Variants in ZNF521 observed in about 807,000 individuals in gnomAD.
ZNF521 encodes the protein zinc finger protein 521, also known as LYST-interacting protein 3.
In ZNF521, 14 loss-of-function variants were observed where a neutral mutation model predicts 105.5. The observed-to-expected ratio is 0.13, with a 90% CI of 0.09 to 0.21. ZNF521 has a LOEUF of 0.21. Among genes scored for constraint, ZNF521 ranks in the 10% least tolerant of loss-of-function variants. The probability of loss-of-function intolerance (pLI) is 1.00; values close to 1 mark genes in which losing one functional copy is unlikely to be tolerated. For missense variants in ZNF521, 1,233 were observed against 1,629.7 expected (o/e 0.76, Z 4.19); for synonymous variants, 635 against 606.0 (o/e 1.05, Z -0.70).
chr18:25,136,153 T>C (rs188123971), intron 5 of ZNF521, among the ~76,000 whole-genome samples: 3 of 152,216 alleles, frequency 2.0e-5, no homozygotes, highest in Non-Finnish European at 4.4e-5. Flanking sequence ...TTTCTTCTTC[T>C]GGATATACAG....
At chr18:25,337,680 C>G (rs748845346) in intron 2 of ZNF521, among the ~76,000 whole-genome samples, 5 of 152,190 alleles carry the variant, frequency 3.3e-5, no homozygotes, top group African/African-American at 1.2e-4. Context: ...ATTGGTCTTA[C>G]TTCTTTGGAG....
At chr18:25,322,229 G>A (rs550512601) in intron 2 of ZNF521, 42 bp from the exon 3 acceptor site, 1 of 1,591,244 alleles carries the variant, frequency 6.3e-7, no homozygotes, top group Non-Finnish European at 8.6e-7. Flanking sequence ...TTAAAGACAG[G>A]TTCTTTTAAA....
chr18:25,114,374 T>C (rs1047084997), intron 5 of ZNF521, among the ~76,000 whole-genome samples: 5 of 152,190 alleles, frequency 3.3e-5, no homozygotes, highest in Non-Finnish European at 7.3e-5. Context: ...ATGCAATTCT[T>C]TAGAGGTCAA....
intron 4 of ZNF521, among the ~76,000 whole-genome samples, chr18:25,212,978 C>T (rs773108733): frequency 4.0e-5 from 6 of 151,378 alleles, no homozygotes; most frequent in Non-Finnish European, 5.9e-5. Flanking sequence ...AAATATATTA[C>T]CTGTATATGA....
intron 5 of ZNF521, among the ~76,000 whole-genome samples, chr18:25,135,953 G>A (rs1426776930): frequency 6.6e-6 from 1 of 151,984 alleles, no homozygotes; most frequent in Admixed American, 6.6e-5. Flanking sequence ...TGTTAAAAAC[G>A]TGAAGGCTTT....
At chr18:25,187,785 A>G (rs543023660) in intron 5 of ZNF521, among the ~76,000 whole-genome samples, 7 of 152,320 alleles carry the variant, frequency 4.6e-5, no homozygotes, top group Admixed American at 6.5e-5. Context: ...CACAGAAGAC[A>G]GCGAAGTAAT....
At chr18:25,075,642 T>G (rs929465728) in intron 7 of ZNF521, among the ~76,000 whole-genome samples, 1 of 152,218 alleles carries the variant, frequency 6.6e-6, no homozygotes, top group Non-Finnish European at 1.5e-5. Flanking sequence ...CCCATTTACT[T>G]GGGTATATAT....
chr18:25,287,744 G>T (rs1910788022), intron 3 of ZNF521, among the ~76,000 whole-genome samples: 1 of 152,024 alleles, frequency 6.6e-6, no homozygotes, highest in South Asian at 2.1e-4. Flanking sequence ...CAAATCTGCA[G>T]GAAATTTAAA....
At chr18:25,187,531 C>G (rs892543354) in intron 5 of ZNF521, among the ~76,000 whole-genome samples, 1 of 151,970 alleles carries the variant, frequency 6.6e-6, no homozygotes, top group East Asian at 1.9e-4. Context: ...GCCCTTTTAT[C>G]AACAATTTTG....
intron 5 of ZNF521, among the ~76,000 whole-genome samples, chr18:25,185,819 A>T (rs1157495644): frequency 6.6e-6 from 1 of 152,320 alleles, no homozygotes; most frequent in South Asian, 2.1e-4. Context: ...GTAGCAGGAA[A>T]AAGTTTTTCC....
chr18:25,295,588 T>C (rs540151390), intron 3 of ZNF521, among the ~76,000 whole-genome samples: 148 of 150,622 alleles, frequency 9.8e-4, no homozygotes, highest in African/African-American at 3.5e-3. Flanking sequence ...CCCATAAATA[T>C]ATACACCTAC....
At chr18:25,200,545 A>G (rs2035975004) in intron 4 of ZNF521, among the ~76,000 whole-genome samples, 1 of 152,122 alleles carries the variant, frequency 6.6e-6, no homozygotes. Context: ...TATTAAGTCT[A>G]TCTAAGACAC....
At chr18:25,195,749 C>A (rs911605103) in intron 4 of ZNF521, among the ~76,000 whole-genome samples, 10 of 151,660 alleles carry the variant, frequency 6.6e-5, no homozygotes, top group Non-Finnish European at 1.3e-4. Flanking sequence ...CTAAAGTCTA[C>A]AATTTAAATG....
chr18:25,193,079 C>G (rs1362923665), intron 5 of ZNF521, among the ~76,000 whole-genome samples: 2 of 151,920 alleles, frequency 1.3e-5, no homozygotes, highest in Non-Finnish European at 2.9e-5. Flanking sequence ...ATGCTCAGGT[C>G]CCAAGAGGTA....
rs2034637101 is a variant in ZNF521, at chr18:25,131,314, T to C, written c.3659-39233A>G. 3.9e-5 allele frequency among the ~76,000 whole-genome samples: 6 copies of C among 152,306 alleles called. 1 individual carries two copies. The South Asian group carries it at 8.3e-4, about 21-fold the overall frequency. ...TTCTTGATGGTCTGGTAAGGCTCCATTTCTCTGTCCACCCTGGATCATTTC... is the reference window on the plus strand; with the variant it reads ...TTCTTGATGGTCTGGTAAGGCTCCACTTCTCTGTCCACCCTGGATCATTTC... On this transcript the variant is annotated intron_variant, in intron 5 of 7. Transcript: ENST00000361524.
intron 5 of ZNF521, among the ~76,000 whole-genome samples, chr18:25,118,762 G>A (rs1245249750): frequency 6.6e-6 from 1 of 151,982 alleles, no homozygotes; most frequent in African/African-American, 2.4e-5. Flanking sequence ...CAAAGACATG[G>A]GAGGCCTAAA....
At chr18:25,300,377 A>G (rs1423621887) in intron 3 of ZNF521, among the ~76,000 whole-genome samples, 2 of 152,258 alleles carry the variant, frequency 1.3e-5, no homozygotes, top group African/African-American at 4.8e-5. Context: ...CAATTTCTAT[A>G]GTACTTTATT....
intron 5 of ZNF521, among the ~76,000 whole-genome samples, chr18:25,143,451 G>A (rs2034888106): frequency 6.6e-6 from 1 of 152,082 alleles, no homozygotes; most frequent in Non-Finnish European, 1.5e-5. Context: ...TGTGTATCTT[G>A]TAAACTGGCT....
At chr18:25,233,255 T>A (rs1305960718) in intron 3 of ZNF521, among the ~76,000 whole-genome samples, 1 of 152,188 alleles carries the variant, frequency 6.6e-6, no homozygotes, top group Non-Finnish European at 1.5e-5. Flanking sequence ...TTATACATTA[T>A]TACACAATTG....
Sources: gnomAD v4.1 joint callset for allele counts (sites outside exome capture counted in the v4.1 genomes callset) on GRCh38, gnomAD v4.1.1 for gene constraint, MANE v1.5 for transcripts, NCBI Gene and HGNC (gene_info 2026-07-23, HGNC 2026-07-21) for gene names.